CNBD1: variants seen among roughly 807,000 people sequenced by gnomAD.
CNBD1 encodes the protein cyclic nucleotide binding domain containing 1.
A neutral mutation model predicts 54.4 loss-of-function variants in CNBD1; 71 were observed. That is an observed-to-expected ratio of 1.30 (90% CI 1.08 to 1.59). The LOEUF (loss-of-function observed/expected upper bound fraction) is 1.59, where lower values mean the gene tolerates loss of function less well. Ranked by LOEUF, CNBD1 falls within the 40% of genes most tolerant of loss-of-function variation. The pLI, the probability that CNBD1 is intolerant of heterozygous loss-of-function variation, is 0.00. For synonymous variants in CNBD1, 182 were observed against 170.7 expected (o/e 1.07, Z -0.51); for missense variants, 659 against 518.0 (o/e 1.27, Z -2.64).
intron 8 of CNBD1, among the ~76,000 whole-genome samples, chr8:87,332,867 G>C (rs544660989): frequency 1.8e-4 from 27 of 152,214 alleles, no homozygotes; most frequent in African/African-American, 5.5e-4. Context: ...CCGTTTTTTG[G>C]TTCCATATGA....
intron 2 of CNBD1, among the ~76,000 whole-genome samples, chr8:86,898,607 G>T (rs888702909): frequency 6.6e-6 from 1 of 152,004 alleles, no homozygotes; most frequent in African/African-American, 2.4e-5. Flanking sequence ...GAAACAACTG[G>T]ATATCCATAT....
rs181291357 is a variant in CNBD1 at position 86,950,433 on chromosome 8, T to C, written c.431+10679T>C. Among the ~76,000 whole-genome samples, 5 of 152,296 alleles carry C rather than the reference T, an allele frequency of 3.3e-5. No individual in the cohort carries two copies. In the East Asian group the frequency reaches 9.7e-4, roughly 29 times the overall value. On this transcript the variant is annotated intron_variant, in intron 4 of 10. Transcript: ENST00000518476. The stretch of plus-strand genomic sequence containing the variant: ...ATTTTTGCCCTTCATTCTGTTGATA[T>C]GATGTATCACATTGATTGATTTGCA...
At chr8:87,191,519 T>G in intron 4 of CNBD1, among the ~76,000 whole-genome samples, 1 of 152,170 alleles carries the variant, frequency 6.6e-6, no homozygotes, top group East Asian at 1.9e-4. Context: ...GCAGTCAAGT[T>G]GACACCTAAT....
intron 4 of CNBD1, among the ~76,000 whole-genome samples, chr8:87,025,279 T>G (rs1050336792): frequency 1.3e-5 from 2 of 152,166 alleles, no homozygotes; most frequent in Non-Finnish European, 2.9e-5. Context: ...GAATAAAAGC[T>G]GGCCACCCCA....
At chr8:87,099,051 A>C (rs1056782836) in intron 4 of CNBD1, among the ~76,000 whole-genome samples, 9 of 150,882 alleles carry the variant, frequency 6.0e-5, no homozygotes, top group South Asian at 2.1e-4. Flanking sequence ...AAAAAAAAAA[A>C]AAAAAAAAAC....
chr8:87,196,037 C>G (rs1167871922), intron 4 of CNBD1, among the ~76,000 whole-genome samples: 1 of 152,078 alleles, frequency 6.6e-6, no homozygotes, highest in Non-Finnish European at 1.5e-5. Flanking sequence ...GAATTTTGAG[C>G]ATATTCAAAT....
chr8:87,016,286 G>A (rs1478735298), intron 4 of CNBD1, among the ~76,000 whole-genome samples: 1 of 151,558 alleles, frequency 6.6e-6, no homozygotes, highest in Non-Finnish European at 1.5e-5. Context: ...GGAAATTTGG[G>A]TTACTAAAAA....
At chr8:87,425,420 C>G (rs1459050021) in intron 2 of CNBD1, among the ~76,000 whole-genome samples, 1 of 152,204 alleles carries the variant, frequency 6.6e-6, no homozygotes, top group Non-Finnish European at 1.5e-5. Context: ...TCCAGTTTTT[C>G]TGTTCTGTTT....
chr8:86,996,782 C>T (rs559047816), intron 4 of CNBD1, among the ~76,000 whole-genome samples: 1 of 152,124 alleles, frequency 6.6e-6, no homozygotes, highest in Admixed American at 6.5e-5. Flanking sequence ...TAACAAAGTA[C>T]TATAGACTGG....
chr8:87,346,033 T>TCTTTTTTTTC (rs550158178), intron 8 of CNBD1, among the ~76,000 whole-genome samples: 1 of 151,676 alleles, frequency 6.6e-6, no homozygotes, highest in South Asian at 2.1e-4. Context: ...TGTTTAATTT[T>TCTTTTTTTTC]CTTTTTTTTT....
intron 8 of CNBD1, among the ~76,000 whole-genome samples, chr8:87,315,439 A>T (rs757028796): frequency 1.1e-4 from 16 of 151,878 alleles, no homozygotes; most frequent in African/African-American, 3.9e-4. Flanking sequence ...TGGTGCAGGC[A>T]TCTACTTGGC....
intron 10 of CNBD1, among the ~76,000 whole-genome samples, chr8:87,364,198 T>C (rs1810588282): frequency 6.6e-6 from 1 of 151,530 alleles, no homozygotes; most frequent in Non-Finnish European, 1.5e-5. Flanking sequence ...TCAAAAAATA[T>C]TGTATATCAC....
intron 3 of CNBD1, among the ~76,000 whole-genome samples, chr8:86,907,390 G>A (rs537436068): frequency 2.6e-5 from 4 of 152,190 alleles, no homozygotes; most frequent in Admixed American, 6.5e-5. Context: ...ATTAGGGGCC[G>A]GGCGTGGTGG....
intron 4 of CNBD1, among the ~76,000 whole-genome samples, chr8:86,959,955 T>A (rs1486611644): frequency 6.6e-6 from 1 of 152,156 alleles, no homozygotes; most frequent in Non-Finnish European, 1.5e-5. Context: ...ATTTTCAGCT[T>A]TTCTTCTCTG....
chr8:87,384,288 A>C (rs1439586662), downstream of CNBD1, among the ~76,000 whole-genome samples: 1 of 152,120 alleles, frequency 6.6e-6, no homozygotes, highest in East Asian at 1.9e-4. Context: ...TCCATATGTG[A>C]CAGGCACTCT....
intron 4 of CNBD1, among the ~76,000 whole-genome samples, chr8:87,111,997 G>A (rs529756385): frequency 1.2e-4 from 19 of 152,222 alleles, no homozygotes; most frequent in Admixed American, 5.2e-4. Flanking sequence ...TGGTACCTCC[G>A]TCACCAAGAC....
intron 4 of CNBD1, among the ~76,000 whole-genome samples, chr8:87,124,757 A>G (rs768952988): frequency 6.6e-6 from 1 of 151,614 alleles, no homozygotes; most frequent in Non-Finnish European, 1.5e-5. Flanking sequence ...AAGGATGCCC[A>G]CTCTCACCAC....
intron 8 of CNBD1, among the ~76,000 whole-genome samples, chr8:87,320,620 G>C (rs970287307): frequency 1.2e-5 from 1 of 85,028 alleles, no homozygotes; most frequent in Non-Finnish European, 2.4e-5. Context: ...GTGTGTGTGT[G>C]GGGGGGCGGC....
intron 1 of CNBD1, among the ~76,000 whole-genome samples, chr8:86,885,535 T>C (rs971413860): frequency 6.6e-6 from 1 of 152,204 alleles, no homozygotes; most frequent in African/African-American, 2.4e-5. Flanking sequence ...ATGTAAACTT[T>C]ATACTCTTTG....
Sources: allele counts gnomAD v4.1 joint callset (sites outside exome capture counted in the v4.1 genomes callset), GRCh38; gene constraint gnomAD v4.1.1; transcripts MANE v1.5; gene names NCBI Gene and HGNC (gene_info 2026-07-23, HGNC 2026-07-21).